PKIA: variants seen among roughly 807,000 people sequenced by gnomAD.
PKIA encodes the protein PKI-alpha.
A neutral mutation model predicts 7.6 loss-of-function variants in PKIA; 4 were observed. The observed-to-expected ratio is 0.52, with a 90% CI of 0.26 to 1.20. The LOEUF is 1.20. Ranked by LOEUF, PKIA falls within the 50% of genes most tolerant of loss-of-function variation. The pLI is 0.13. For missense variants in PKIA, 73 were observed against 86.2 expected (o/e 0.85, Z 0.61); for synonymous variants, 21 against 30.7 (o/e 0.68, Z 1.04).
intron 1 of PKIA, among the ~76,000 whole-genome samples, chr8:78,554,768 A>G (rs1190779078): frequency 1.3e-5 from 2 of 152,110 alleles, no homozygotes; most frequent in Non-Finnish European, 2.9e-5. Flanking sequence ...AGATTATGCA[A>G]TACATAAAGA....
chr8:78,567,382 C>T (rs1270005831), intron 1 of PKIA, among the ~76,000 whole-genome samples: 1 of 152,080 alleles, frequency 6.6e-6, no homozygotes, highest in South Asian at 2.1e-4. Flanking sequence ...ATTTCTCATA[C>T]TTTCCTTATT....
chr8:78,571,706 C>T (rs979769801), intron 1 of PKIA, among the ~76,000 whole-genome samples: 1 of 152,020 alleles, frequency 6.6e-6, no homozygotes, highest in Non-Finnish European at 1.5e-5. Flanking sequence ...CCTGAGTTTC[C>T]TTGCTCACTT....
At position 78,602,711 on chromosome 8, in the gene PKIA, A is replaced by ATTTTTTT. The variant is rs1400639588; in HGVS notation, c.*891_*892insTTTTTTT. The ATTTTTTT allele has an allele frequency of 3.4e-5, 5 of 148,618 alleles. No individual in the cohort carries two copies. Among genetic ancestry groups the ATTTTTTT allele is most frequent in the African/African-American group, 1.2e-4 (5 of 40,474 alleles). The allele number at this position is 148,618 out of a possible 1,614,324, so 9.2% of individuals were successfully genotyped here. A position where few individuals can be genotyped will look rare whatever the true frequency, so the allele number is the denominator to read the frequency against. On this transcript the variant is annotated 3_prime_UTR_variant, in exon 4 of 4. Coordinates refer to ENST00000396418, the MANE Select transcript of PKIA (RefSeq NM_006823.4). ...TCCCACATAATATATATATATATAT[A>ATTTTTTT]TATTTTAATTTATGAGAATTTTGGA...
At chr8:78,544,739 G>A (rs990004464) in intron 1 of PKIA, among the ~76,000 whole-genome samples, 4 of 152,166 alleles carry the variant, frequency 2.6e-5, no homozygotes, top group African/African-American at 9.7e-5. Flanking sequence ...ACAACAGAGA[G>A]TACAGACTAA....
intron 2 of PKIA, among the ~76,000 whole-genome samples, chr8:78,575,225 G>GAATC (rs1807645031): frequency 6.6e-6 from 1 of 151,848 alleles, no homozygotes; most frequent in Non-Finnish European, 1.5e-5. Context: ...CTAAGAACTG[G>GAATC]AATCAACGCT....
chr8:78,573,849 TC>T (rs1807612575), intron 2 of PKIA, among the ~76,000 whole-genome samples: 1 of 151,894 alleles, frequency 6.6e-6, no homozygotes, highest in African/African-American at 2.4e-5. Flanking sequence ...AATGAATAAG[TC>T]CCCATGATTC....
chr8:78,583,809 G>T (rs72659982), intron 2 of PKIA, among the ~76,000 whole-genome samples: 11 of 152,064 alleles, frequency 7.2e-5, no homozygotes, highest in Non-Finnish European at 1.6e-4. Context: ...TCCATTATCG[G>T]AACGGTAAGT....
intron 1 of PKIA, among the ~76,000 whole-genome samples, chr8:78,525,765 C>A (rs1303837443): frequency 6.6e-6 from 1 of 151,996 alleles, no homozygotes; most frequent in East Asian, 1.9e-4. Context: ...ATATTCTGAT[C>A]ACTGGGCTTT....
intron 2 of PKIA, among the ~76,000 whole-genome samples, chr8:78,597,315 G>T (rs1215641054): frequency 1.3e-5 from 2 of 152,138 alleles, no homozygotes; most frequent in African/African-American, 2.4e-5. Context: ...TGAGTAATCA[G>T]TTTTTGTACC....
intron 1 of PKIA, among the ~76,000 whole-genome samples, chr8:78,541,367 G>A (rs1806682399): frequency 6.6e-6 from 1 of 152,084 alleles, no homozygotes; most frequent in Admixed American, 6.6e-5. Context: ...GAAGTATGAG[G>A]GAAATGAAAG....
chr8:78,596,718 A>C (rs1360860332), intron 2 of PKIA, among the ~76,000 whole-genome samples: 4 of 152,094 alleles, frequency 2.6e-5, no homozygotes, highest in African/African-American at 7.2e-5. Context: ...TTCTTTTTGG[A>C]GTCTTTGACA....
chr8:78,599,449 A>T (rs970776349), intron 3 of PKIA, among the ~76,000 whole-genome samples: 16 of 152,096 alleles, frequency 1.1e-4, no homozygotes, highest in African/African-American at 3.9e-4. Context: ...GAGTCAGAGT[A>T]TATGTATATA....
At chr8:78,546,979 C>T (rs1806839051) in intron 1 of PKIA, among the ~76,000 whole-genome samples, 1 of 152,106 alleles carries the variant, frequency 6.6e-6, no homozygotes, top group East Asian at 1.9e-4. Context: ...ATTTCAAAGA[C>T]TATTCTAATA....
At chr8:78,581,072 C>G (rs1017301320) in intron 2 of PKIA, among the ~76,000 whole-genome samples, 5 of 151,926 alleles carry the variant, frequency 3.3e-5, no homozygotes, top group African/African-American at 1.2e-4. Flanking sequence ...ATCTTGGTGT[C>G]TAGATACAAT....
intron 1 of PKIA, among the ~76,000 whole-genome samples, chr8:78,524,214 AAACATTTATATTTATATATAAAT>A (rs1423729565): frequency 7.2e-6 from 1 of 139,212 alleles, no homozygotes; most frequent in African/African-American, 2.8e-5. Context: ...ATATATATAT[AAACATTTATATTTATATATAAAT>A]ATATATGTTT....
intron 2 of PKIA, among the ~76,000 whole-genome samples, chr8:78,581,571 G>A (rs1192114508): frequency 6.6e-6 from 1 of 152,040 alleles, no homozygotes; most frequent in African/African-American, 2.4e-5. Context: ...GAGCTTCACT[G>A]TGATTTTCCT....
Position 78,602,571 on chromosome 8 carries a change from G to A in PKIA, c.*750G>A, listed in dbSNP as rs944916014. ...ATCAAGACTCCATTGCTTTATTATA[G>A]AGACATTTGAAAATATCCATTAATG... On this transcript the variant is annotated 3_prime_UTR_variant, in exon 4 of 4. Transcript: ENST00000396418. 3 of 152,066 alleles carry A rather than the reference G, an allele frequency of 2.0e-5. No individual in the cohort carries two copies. The highest frequency in any genetic ancestry group is 7.3e-5 in the African/African-American group (3 of 41,308). 9.4% of individuals were successfully genotyped at this position (152,066 alleles called of 1,614,324 possible).
Position 78,598,468 on chromosome 8 carries a change from T to C in PKIA, c.84T>C (p.Val28=), listed in dbSNP as rs771184409. The C allele has an allele frequency of 6.2e-7, 1 of 1,612,040 alleles. No homozygotes were observed. Among genetic ancestry groups the C allele is most frequent in the African/African-American group, 1.3e-5 (1 of 74,952 alleles). Reference sequence around the variant, plus strand: ...GAAATGCAATACATGATATCCTGGTTTCCTCTGCAAGTGGCAACAGCAATG... The same window carrying C: ...GAAATGCAATACATGATATCCTGGTCTCCTCTGCAAGTGGCAACAGCAATG... ...GRRNAIHDIL[V]SSASGNSNEL... The change falls in exon 3 of 4, where the codon GTT becomes GTC. Residue 28 remains valine (V), a synonymous_variant. Transcript: ENST00000396418.
Position 78,601,763 on chromosome 8 carries a change from G to C in PKIA, c.173G>C (p.Arg58Pro). Residue 58 changes from arginine to proline, a missense_variant, in exon 4 of 4, where the codon CGA (arginine) becomes CCA (proline). Transcript: ENST00000396418. The stretch of plus-strand genomic sequence containing the variant: ...GCAGAAGGTGAAGAAGATGCACAAC[G>C]AAGTTCTACAGAACAAAGTGGGGAA... ...NKTEGEEDAQ[R>P]SSTEQSGEAQ... 6.2e-7 allele frequency: 1 copy of C among 1,612,114 alleles called. No individual in the cohort carries two copies. The highest frequency in any genetic ancestry group is 8.5e-7 in the Non-Finnish European group (1 of 1,178,808).
Sources: allele counts gnomAD v4.1 joint callset (sites outside exome capture counted in the v4.1 genomes callset), GRCh38; gene constraint gnomAD v4.1.1; transcripts MANE v1.5; gene names NCBI Gene and HGNC (gene_info 2026-07-23, HGNC 2026-07-21).